The following CACNA1B variants were observed in gnomAD, a reference collection of about 807,000 sequenced individuals.
The protein encoded by CACNA1B is calcium voltage-gated channel subunit alpha1 B, also known as voltage-dependent N-type calcium channel subunit alpha-1B.
CACNA1B carries 70 observed loss-of-function variants against 247.2 expected under a neutral mutation model. The ratio of observed to expected loss-of-function variants is 0.28; its 90% CI spans 0.23 to 0.35. The LOEUF (loss-of-function observed/expected upper bound fraction) is 0.35, where lower values mean the gene tolerates loss of function less well. Among genes scored for constraint, CACNA1B ranks in the 10% least tolerant of loss-of-function variants. CACNA1B has a pLI of 1.00. For synonymous variants in CACNA1B, 1,231 were observed against 1,294.4 expected (o/e 0.95, Z 1.05); for missense variants, 2,367 against 3,197.4 (o/e 0.74, Z 6.26).
chr9:138,037,945 TTC>T (rs1226169947), intron 20 of CACNA1B, among the ~76,000 whole-genome samples: 1 of 152,212 alleles, frequency 6.6e-6, no homozygotes, highest in Non-Finnish European at 1.5e-5. Context: ...TCATGATTCT[TTC>T]TGTGTTTGTT....
intron 31 of CACNA1B, among the ~76,000 whole-genome samples, chr9:138,067,303 G>A (rs1216896712): frequency 2.0e-5 from 3 of 152,148 alleles, no homozygotes; most frequent in African/African-American, 4.8e-5. Flanking sequence ...TAAAATATAA[G>A]GAAAGATCAT....
chr9:138,015,169 C>A (rs879843360), intron 18 of CACNA1B, among the ~76,000 whole-genome samples: 27 of 152,294 alleles, frequency 1.8e-4, no homozygotes, highest in African/African-American at 6.3e-4. Flanking sequence ...TGGCAAGGGG[C>A]AGCCGGCCCA....
chr9:137,879,951 A>G lies in CACNA1B; in HGVS notation c.390+792A>G, dbSNP rs186697813. Reference sequence around the variant, plus strand: ...GTCTGGGTTCCGAGTGTGCCTAAAGACTGGAGCCTCCAGGTGAGCAGAAGG... The same window carrying G: ...GTCTGGGTTCCGAGTGTGCCTAAAGGCTGGAGCCTCCAGGTGAGCAGAAGG... On this transcript the variant is annotated intron_variant, in intron 2 of 46. Coordinates refer to ENST00000371372, the MANE Select transcript of CACNA1B (RefSeq NM_000718.4). 3.4e-3 allele frequency among the ~76,000 whole-genome samples: 513 copies of G among 152,098 alleles called. 4 individuals are homozygous for G. The highest frequency in any genetic ancestry group is 0.012 in the African/African-American group (495 of 41,484).
chr9:138,017,666 A>T (rs1958810242), intron 18 of CACNA1B, among the ~76,000 whole-genome samples: 1 of 152,190 alleles, frequency 6.6e-6, no homozygotes, highest in Non-Finnish European at 1.5e-5. Context: ...ATTCTCAGGA[A>T]GTCCTTGTTC....
At position 137,974,501 on chromosome 9, in the gene CACNA1B, T is replaced by G. The variant is rs546899134; in HGVS notation, c.1544-1406T>G. On this transcript the variant is annotated intron_variant, in intron 11 of 46. Coordinates refer to ENST00000371372, the MANE Select transcript of CACNA1B (RefSeq NM_000718.4). This position sits in a 1 kb window ranked among gnomAD's most constrained non-coding sequence, Gnocchi z 4.5. Reference sequence around the variant, plus strand: ...GTGTCCGCTCCCTGAGACTCCTGTCTGTTTGTACGGTGCCTGAGTGGTCTG... The same window carrying G: ...GTGTCCGCTCCCTGAGACTCCTGTCGGTTTGTACGGTGCCTGAGTGGTCTG... Among the ~76,000 whole-genome samples, 152 of 152,300 alleles carry G rather than the reference T, an allele frequency of 1.0e-3. No individual in the cohort carries two copies. The highest frequency in any genetic ancestry group is 5.8e-3 in the South Asian group (28 of 4,830).
intron 15 of CACNA1B, among the ~76,000 whole-genome samples, chr9:138,005,663 C>T (rs1220430428): frequency 6.6e-6 from 1 of 152,198 alleles, no homozygotes; most frequent in African/African-American, 2.4e-5. Flanking sequence ...TATCCGAATA[C>T]CCTATTTGAT....
At chr9:138,114,558 G>A in intron 41 of CACNA1B, 68 bp downstream of exon 41, 1 of 754,114 alleles carries the variant, frequency 1.3e-6, no homozygotes, top group South Asian at 1.5e-5. Flanking sequence ...CCTTCGGGGG[G>A]TTGACGACGG....
At chr9:137,878,861 C>G (rs1460780513) in intron 1 of CACNA1B, among the ~76,000 whole-genome samples, 193 bp from the exon 2 acceptor site, 1 of 152,172 alleles carries the variant, frequency 6.6e-6, no homozygotes, top group Non-Finnish European at 1.5e-5. Context: ...GGCCCCGCCT[C>G]GCGGCCGCCC....
chr9:137,904,091 C>A (rs1017631030), intron 3 of CACNA1B, among the ~76,000 whole-genome samples: 1 of 152,138 alleles, frequency 6.6e-6, no homozygotes, highest in African/African-American at 2.4e-5. Context: ...TCTCATCATC[C>A]TGTGCTTTTG....
In CACNA1B at chr9:138,072,267, C is replaced by A. The variant is rs1292822942; in HGVS notation, c.4675-1221C>A. On this transcript the variant is annotated intron_variant, in intron 32 of 46. Transcript: ENST00000371372. This position sits in a 1 kb window ranked among gnomAD's most constrained non-coding sequence, Gnocchi z 4.5. ...GAGTTGAATCCTCAGCCACCCTGCC[C>A]CTGCCAGTGGAAGTGGCAGACCTAG... Among the ~76,000 whole-genome samples, 1 of 152,218 alleles carries A rather than the reference C, an allele frequency of 6.6e-6. No individual in the cohort carries two copies. Among genetic ancestry groups the A allele is most frequent in the Non-Finnish European group, 1.5e-5 (1 of 68,048 alleles).
intron 6 of CACNA1B, among the ~76,000 whole-genome samples, chr9:137,940,807 CAA>C (rs1957725010): frequency 6.6e-6 from 1 of 152,068 alleles, no homozygotes; most frequent in Non-Finnish European, 1.5e-5. Flanking sequence ...CAATTAAAGA[CAA>C]AAATCACATG....
rs767457983 is a variant in CACNA1B at position 137,877,963 on chromosome 9, C to T, written c.30C>T (p.Gly10=). The change falls in exon 1 of 47, where the codon GGC becomes GGT. Residue 10 remains glycine (G), a synonymous_variant. Transcript: ENST00000371372. MVRFGDELG[G]RYGGPGGGER... ...TCCGCTTCGGGGACGAGCTGGGCGG[C>T]CGCTATGGGGGCCCCGGCGGCGGAG... 4,766 of 1,101,120 alleles carry T rather than the reference C, an allele frequency of 4.3e-3. 1 individual carries two copies. Among genetic ancestry groups the T allele is most frequent in the Middle Eastern group, 8.3e-3 (21 of 2,540 alleles). 68.2% of individuals were successfully genotyped at this position (1,101,120 alleles called of 1,614,324 possible). A position where few individuals can be genotyped will look rare whatever the true frequency, so the allele number is the denominator to read the frequency against.
Position 138,121,489 on chromosome 9 carries a change from G to T in CACNA1B, c.6510G>T (p.Gly2170=). The change falls in exon 47 of 47, where the codon GGG becomes GGT. Residue 2170 remains glycine (G), a synonymous_variant. Coordinates refer to ENST00000371372, the MANE Select transcript of CACNA1B (RefSeq NM_000718.4). The surrounding 1 kb of genome is among the most constrained non-coding windows in gnomAD (Gnocchi z 6.8). ...TGTAGGGCAGTGGTTCCGTGAATGG[G>T]AGCCCCTTGCTGTCAACATCTGGTG... ...PHPQGSGSVN[G]SPLLSTSGAS... is the part of the protein sequence containing the mutation. The T allele has an allele frequency of 1.3e-6, 2 of 1,529,428 alleles. No individual in the cohort carries two copies. The allele number at this position is 1,529,428 out of a possible 1,614,324, so 94.7% of individuals were successfully genotyped here.
At chr9:138,026,145 T>C (rs749560543) in intron 20 of CACNA1B, among the ~76,000 whole-genome samples, 1 of 152,180 alleles carries the variant, frequency 6.6e-6, no homozygotes, top group Non-Finnish European at 1.5e-5. Context: ...CATGACATTC[T>C]CTCTTGCTCA....
At chr9:138,021,278 G>T (rs963281628) in intron 18 of CACNA1B, among the ~76,000 whole-genome samples, 2 of 152,130 alleles carry the variant, frequency 1.3e-5, no homozygotes, top group African/African-American at 4.8e-5. Flanking sequence ...CTGAGGCTGG[G>T]GGTCTGCAGA....
rs1957973633 is a variant in CACNA1B at position 137,958,393 on chromosome 9, T to C, written c.1333+706T>C. On this transcript the variant is annotated intron_variant, in intron 10 of 46. Coordinates refer to ENST00000371372, the MANE Select transcript of CACNA1B (RefSeq NM_000718.4). ...TCATACATCCACACACAAATATGCA[T>C]GTAGAGTTTTGGAGTCTTCTGTTAC... Among the ~76,000 whole-genome samples, 6 of 152,292 alleles carry C rather than the reference T, an allele frequency of 3.9e-5. No homozygotes were observed. In the South Asian group the frequency reaches 1.2e-3, roughly 32 times the overall value.
rs1420920330 is a variant in CACNA1B at position 138,122,680 on chromosome 9, T to C, written c.*681T>C. 6.6e-6 allele frequency: 1 copy of C among 152,288 alleles called. No homozygotes were observed. The highest frequency in any genetic ancestry group is 1.5e-5 in the Non-Finnish European group (1 of 68,076). 9.4% of individuals were successfully genotyped at this position (152,288 alleles called of 1,614,324 possible). On this transcript the variant is annotated 3_prime_UTR_variant, in exon 47 of 47. Coordinates refer to ENST00000371372, the MANE Select transcript of CACNA1B (RefSeq NM_000718.4). ...GGGGAAGGAAATGTTCACATAACTT[T>C]AAAAAATCAAACCTGTGAAAGAAAG... is the stretch of plus-strand genomic sequence containing the variant.
rs749062909 is a variant in CACNA1B at position 138,102,835 on chromosome 9, C to A, written c.5319+28C>A. 3.4e-6 allele frequency: 5 copies of A among 1,454,474 alleles called. No individual in the cohort carries two copies. Among genetic ancestry groups the A allele is most frequent in the Non-Finnish European group, 4.8e-6 (5 of 1,041,650 alleles). 90.1% of individuals were successfully genotyped at this position (1,454,474 alleles called of 1,614,324 possible). A position where few individuals can be genotyped will look rare whatever the true frequency, so the allele number is the denominator to read the frequency against. On this transcript the variant is annotated intron_variant, in intron 38 of 46. Coordinates refer to ENST00000371372, the MANE Select transcript of CACNA1B (RefSeq NM_000718.4). This position sits in a 1 kb window ranked among gnomAD's most constrained non-coding sequence, Gnocchi z 5.4. ...AGACCCTGACCCTGCAACCCGCCCC[C>A]CAGGAGGCTGTGTGTGCTTGCTGAG... is the stretch of plus-strand genomic sequence containing the variant.
intron 20 of CACNA1B, 147 bp from the exon 21 acceptor site, chr9:138,043,627 A>C: frequency 2.5e-6 from 2 of 793,464 alleles, no homozygotes; most frequent in Non-Finnish European, 4.1e-6. Flanking sequence ...CATGTACGTG[A>C]AGCACTGTTC....
Sources: gnomAD v4.1 joint callset for allele counts (sites outside exome capture counted in the v4.1 genomes callset) on GRCh38, gnomAD v4.1.1 for gene constraint, Gnocchi (gnomAD v3.1) non-coding constraint, MANE v1.5 for transcripts, NCBI Gene and HGNC (gene_info 2026-07-23, HGNC 2026-07-21) for gene names.